Variants in KCNB2 observed in about 807,000 individuals in gnomAD.
KCNB2 encodes delayed rectifier potassium channel protein.
In KCNB2, 15 loss-of-function variants were observed where a neutral mutation model predicts 61.5. The observed-to-expected ratio is 0.24, with a 90% CI of 0.16 to 0.38. KCNB2 has a LOEUF of 0.38. Ranked by LOEUF, KCNB2 falls within the 10% of genes least tolerant of loss-of-function variation. The pLI, the probability that KCNB2 is intolerant of heterozygous loss-of-function variation, is 1.00. For synonymous variants in KCNB2, 457 were observed against 446.0 expected (o/e 1.02, Z -0.31); for missense variants, 828 against 1,125.2 (o/e 0.74, Z 3.78).
intron 2 of KCNB2, among the ~76,000 whole-genome samples, chr8:72,653,053 T>A (rs1806236965): frequency 6.6e-6 from 1 of 152,162 alleles, no homozygotes; most frequent in Non-Finnish European, 1.5e-5. Flanking sequence ...TGTCTTCACA[T>A]GGCCTGTCCC....
intron 2 of KCNB2, among the ~76,000 whole-genome samples, chr8:72,714,683 C>G (rs1463128267): frequency 3.9e-5 from 6 of 152,144 alleles, no homozygotes; most frequent in African/African-American, 1.4e-4. Context: ...AAAGGAACAA[C>G]CGGTACCAGC....
intron 2 of KCNB2, among the ~76,000 whole-genome samples, chr8:72,685,718 A>G (rs1386783775): frequency 1.3e-5 from 2 of 152,216 alleles, no homozygotes. Context: ...GGCCGGGTGC[A>G]GTGGCTCACG....
At chr8:72,927,067 G>A (rs956497011) in intron 2 of KCNB2, among the ~76,000 whole-genome samples, 4 of 152,158 alleles carry the variant, frequency 2.6e-5, no homozygotes, top group African/African-American at 9.7e-5. Context: ...GGCATGGAGT[G>A]GGGCCGGAGA....
At chr8:72,630,906 C>A (rs1209317662) in intron 2 of KCNB2, among the ~76,000 whole-genome samples, 1 of 152,128 alleles carries the variant, frequency 6.6e-6, no homozygotes, top group Non-Finnish European at 1.5e-5. Context: ...GCTGCTGTCA[C>A]AAAGTGCAAT....
intron 2 of KCNB2, among the ~76,000 whole-genome samples, chr8:72,629,478 A>G (rs1805846052): frequency 6.6e-6 from 1 of 152,216 alleles, no homozygotes; most frequent in South Asian, 2.1e-4. Context: ...TAATACCTAT[A>G]ACCCAACAGT....
chr8:72,564,809 T>C (rs1806599766), intron 1 of KCNB2, among the ~76,000 whole-genome samples: 1 of 152,082 alleles, frequency 6.6e-6, no homozygotes, highest in South Asian at 2.1e-4. Context: ...AGACAGAACA[T>C]ATATGTAAAG....
chr8:72,597,694 A>G (rs1807221762), intron 2 of KCNB2, among the ~76,000 whole-genome samples: 1 of 152,214 alleles, frequency 6.6e-6, no homozygotes, highest in Non-Finnish European at 1.5e-5. Context: ...GTTTAGCCAT[A>G]ATGATGTAGT....
At chr8:72,544,020 G>A (rs1806226543) in intron 1 of KCNB2, among the ~76,000 whole-genome samples, 1 of 152,190 alleles carries the variant, frequency 6.6e-6, no homozygotes, top group Non-Finnish European at 1.5e-5. Flanking sequence ...CATCCTATTA[G>A]TGGGCACAAT....
chr8:72,542,053 G>A (rs1806196215), intron 1 of KCNB2, among the ~76,000 whole-genome samples: 1 of 151,942 alleles, frequency 6.6e-6, no homozygotes, highest in African/African-American at 2.4e-5. Flanking sequence ...TCTCTAGAAT[G>A]CATTTATTTT....
chr8:72,626,055 A>G (rs1226592635), intron 2 of KCNB2, among the ~76,000 whole-genome samples: 2 of 152,220 alleles, frequency 1.3e-5, no homozygotes, highest in East Asian at 1.9e-4. Context: ...TAGAAAGACC[A>G]TTGTCTAAAA....
intron 2 of KCNB2, among the ~76,000 whole-genome samples, chr8:72,642,372 A>C (rs1186706726): frequency 6.6e-6 from 1 of 152,092 alleles, no homozygotes; most frequent in Non-Finnish European, 1.5e-5. Flanking sequence ...GAAAATTTAA[A>C]ATGGCATATG....
intron 2 of KCNB2, among the ~76,000 whole-genome samples, chr8:72,864,359 G>C (rs577499208): frequency 6.6e-6 from 1 of 152,090 alleles, no homozygotes; most frequent in African/African-American, 2.4e-5. Context: ...ATGCAAAATT[G>C]TTTCATTCTA....
intron 2 of KCNB2, among the ~76,000 whole-genome samples, chr8:72,614,307 A>C (rs1805584963): frequency 6.6e-6 from 1 of 152,162 alleles, no homozygotes; most frequent in Admixed American, 6.5e-5. Flanking sequence ...TCTTTATATT[A>C]GTTTCTACCA....
chr8:72,746,688 C>G lies in KCNB2; in HGVS notation c.579+178375C>G, dbSNP rs559061998. Among the ~76,000 whole-genome samples the G allele has an allele frequency of 2.7e-4, 41 of 152,228 alleles. No homozygotes were observed. In the South Asian group the frequency reaches 7.3e-3, roughly 27 times the overall value. ...ACAGCCTCAGAATGATTGCACTGCTCTTTGAACGGCTGCAATATATCTTTC... is the reference window on the plus strand; with the variant it reads ...ACAGCCTCAGAATGATTGCACTGCTGTTTGAACGGCTGCAATATATCTTTC... On this transcript the variant is annotated intron_variant, in intron 2 of 2. Coordinates refer to ENST00000523207, the MANE Select transcript of KCNB2 (RefSeq NM_004770.3).
intron 1 of KCNB2, among the ~76,000 whole-genome samples, chr8:72,566,436 A>G (rs551777071): frequency 6.6e-6 from 1 of 152,262 alleles, no homozygotes; most frequent in Admixed American, 6.5e-5. Context: ...ACGGTGGCTC[A>G]TGCCTGTAAT....
At chr8:72,849,147 C>A (rs1277726313) in intron 2 of KCNB2, among the ~76,000 whole-genome samples, 1 of 117,648 alleles carries the variant, frequency 8.5e-6, no homozygotes, top group Non-Finnish European at 1.7e-5. Context: ...CCATCATCAG[C>A]CTTGTAATTT....
At chr8:72,540,239 CT>C (rs1359288844) in intron 1 of KCNB2, among the ~76,000 whole-genome samples, 1 of 151,964 alleles carries the variant, frequency 6.6e-6, no homozygotes, top group African/African-American at 2.4e-5. Flanking sequence ...TAATTAGTTC[CT>C]TTAAAACTTG....
rs753115691 is a variant in KCNB2 at position 72,821,639 on chromosome 8, AAC to A, written c.580-114294_580-114293del. On this transcript the variant is annotated intron_variant, in intron 2 of 2. Coordinates refer to ENST00000523207, the MANE Select transcript of KCNB2 (RefSeq NM_004770.3). ...GTTCCTACACACACACACAAAAAAA[AAC>A]AAAAAAAAAAAAAAAAAAACACACA... Among the ~76,000 whole-genome samples the A allele has an allele frequency of 5.5e-3, 599 of 108,452 alleles. 4 individuals carry two copies. The highest frequency in any genetic ancestry group is 6.4e-3 in the Non-Finnish European group (330 of 51,838). 71.1% of individuals were successfully genotyped at this position (108,452 alleles called of 152,430 possible).
chr8:72,606,370 C>A (rs1805446840), intron 2 of KCNB2, among the ~76,000 whole-genome samples: 1 of 151,984 alleles, frequency 6.6e-6, no homozygotes, highest in Non-Finnish European at 1.5e-5. Flanking sequence ...AAAGAAAATA[C>A]AGAATTATAG....
Sources: gnomAD v4.1 joint callset for allele counts (sites outside exome capture counted in the v4.1 genomes callset) on GRCh38, gnomAD v4.1.1 for gene constraint, MANE v1.5 for transcripts, NCBI Gene and HGNC (gene_info 2026-07-23, HGNC 2026-07-21) for gene names.